Variants in DLG2 observed in about 807,000 individuals in gnomAD.
DLG2 encodes disks large homolog 2.
Under a neutral mutation model 132.5 loss-of-function variants are expected in DLG2, and 45 were observed. The ratio of observed to expected loss-of-function variants is 0.34; its 90% CI spans 0.27 to 0.44. DLG2 has a LOEUF of 0.44. Among genes scored for constraint, DLG2 ranks in the 20% least tolerant of loss-of-function variants. The probability of loss-of-function intolerance (pLI) is 1.00; values close to 1 mark genes in which losing one functional copy is unlikely to be tolerated. For missense variants in DLG2, 1,045 were observed against 1,196.9 expected (o/e 0.87, Z 1.87); for synonymous variants, 424 against 419.6 (o/e 1.01, Z -0.13).
rs116592063 is a variant in DLG2 at position 84,753,579 on chromosome 11, A to C, written c.358-218848T>G. Reference sequence around the variant, plus strand: ...ATGAAGAATTTTATTTTTATGTGATAAGTCTAAAGTGACTATGGGATATCA... The same window carrying C: ...ATGAAGAATTTTATTTTTATGTGATCAGTCTAAAGTGACTATGGGATATCA... On this transcript the variant is annotated intron_variant, in intron 6 of 27. Coordinates refer to ENST00000376104, the MANE Select transcript of DLG2 (RefSeq NM_001142699.3). Among the ~76,000 whole-genome samples the C allele has an allele frequency of 7.1e-3, 1,085 of 152,318 alleles. 16 individuals are homozygous for C. The highest frequency in any genetic ancestry group is 0.024 in the African/African-American group (987 of 41,564).
intron 16 of DLG2, among the ~76,000 whole-genome samples, chr11:83,835,320 C>T (rs569328472): frequency 3.3e-5 from 5 of 151,864 alleles, no homozygotes; most frequent in South Asian, 4.2e-4. Flanking sequence ...TTATATAGCA[C>T]GTTAGAAGGC....
chr11:83,547,256 T>C (rs1346304329), intron 19 of DLG2, among the ~76,000 whole-genome samples: 1 of 152,112 alleles, frequency 6.6e-6, no homozygotes, highest in African/African-American at 2.4e-5. Flanking sequence ...AAGGATATGA[T>C]AGGAGAAATA....
At chr11:85,523,214 T>C (rs1199066543) in intron 3 of DLG2, among the ~76,000 whole-genome samples, 1 of 152,210 alleles carries the variant, frequency 6.6e-6, no homozygotes, top group East Asian at 1.9e-4. Flanking sequence ...CTTCACTCTG[T>C]ACTTCTCTCA....
intron 20 of DLG2, among the ~76,000 whole-genome samples, chr11:83,534,530 G>A (rs986028603): frequency 1.2e-4 from 19 of 152,220 alleles, no homozygotes; most frequent in Non-Finnish European, 2.2e-4. Context: ...TGAAGATCAG[G>A]GTTTCTATAG....
At chr11:85,275,440 C>T (rs1011961755) in intron 4 of DLG2, among the ~76,000 whole-genome samples, 3 of 152,102 alleles carry the variant, frequency 2.0e-5, no homozygotes, top group East Asian at 3.8e-4. Flanking sequence ...TGCATACTTA[C>T]AAATCTGTCA....
At chr11:85,179,335 A>G (rs2079536945) in intron 4 of DLG2, among the ~76,000 whole-genome samples, 1 of 151,866 alleles carries the variant, frequency 6.6e-6, no homozygotes, top group South Asian at 2.1e-4. Flanking sequence ...CAGCAAAAAG[A>G]AAAATAAACT....
chr11:83,974,467 GT>G (rs5793096), intron 12 of DLG2, among the ~76,000 whole-genome samples: 149,440 of 152,016 alleles, frequency 0.98, 73,460 homozygotes, highest in East Asian at 1. Context: ...TAGGTGTTTT[GT>G]TAAGTATTAC....
At chr11:85,487,899 C>T (rs1419465665) in intron 3 of DLG2, among the ~76,000 whole-genome samples, 1 of 152,168 alleles carries the variant, frequency 6.6e-6, no homozygotes, top group Non-Finnish European at 1.5e-5. Context: ...TGTGTCCCCA[C>T]CCAAATCTCA....
At chr11:85,500,954 T>C (rs2093787035) in intron 3 of DLG2, among the ~76,000 whole-genome samples, 1 of 152,150 alleles carries the variant, frequency 6.6e-6, no homozygotes, top group African/African-American at 2.4e-5. Context: ...AGAGCTCCCA[T>C]AGCCAAGACA....
chr11:85,388,007 G>A (rs1414008482), intron 3 of DLG2, among the ~76,000 whole-genome samples: 1 of 152,184 alleles, frequency 6.6e-6, no homozygotes, highest in Non-Finnish European at 1.5e-5. Flanking sequence ...GGAACTGTGA[G>A]TCTGCTTGCT....
intron 16 of DLG2, among the ~76,000 whole-genome samples, chr11:83,838,973 G>A (rs2154013018): frequency 6.6e-6 from 1 of 152,288 alleles, no homozygotes; most frequent in East Asian, 1.9e-4. Flanking sequence ...TGTTTAATAT[G>A]CAATGTGACT....
At chr11:85,624,795 T>C (rs1463650226) in intron 2 of DLG2, among the ~76,000 whole-genome samples, 4 of 152,220 alleles carry the variant, frequency 2.6e-5, no homozygotes, top group Non-Finnish European at 5.9e-5. Flanking sequence ...AACTGGTTTT[T>C]CTAATAAGAA....
At chr11:84,810,531 T>C (rs2076441599) in intron 6 of DLG2, among the ~76,000 whole-genome samples, 1 of 152,110 alleles carries the variant, frequency 6.6e-6, no homozygotes, top group South Asian at 2.1e-4. Flanking sequence ...ACATTCCTGG[T>C]GGGAATATAA....
chr11:85,017,690 A>G (rs1566657296), intron 6 of DLG2, among the ~76,000 whole-genome samples: 1 of 152,224 alleles, frequency 6.6e-6, no homozygotes, highest in Non-Finnish European at 1.5e-5. Context: ...AGTCACCACA[A>G]TATTGTGGTA....
At chr11:84,763,163 A>T (rs569323672) in intron 6 of DLG2, 12 of 152,244 alleles carry the variant, frequency 7.9e-5, no homozygotes, top group Admixed American at 5.9e-4. Context: ...GCAAGTGCCA[A>T]CTCTAACATA....
chr11:83,799,132 A>G (rs1334281983), intron 17 of DLG2, among the ~76,000 whole-genome samples: 1 of 152,260 alleles, frequency 6.6e-6, no homozygotes, highest in East Asian at 1.9e-4. Flanking sequence ...GTATTAAATG[A>G]TCTTACCACA....
chr11:84,307,952 G>A (rs927784109), intron 7 of DLG2, among the ~76,000 whole-genome samples: 9 of 152,190 alleles, frequency 5.9e-5, no homozygotes, highest in Non-Finnish European at 1.3e-4. Context: ...CTTCAGGAGT[G>A]AAGTTGCAGA....
intron 18 of DLG2, among the ~76,000 whole-genome samples, chr11:83,735,999 C>T (rs2091845897): frequency 6.6e-6 from 1 of 152,140 alleles, no homozygotes. Flanking sequence ...TAAATGTGTG[C>T]TTAGTTGCTT....
chr11:84,784,430 C>G lies in DLG2; in HGVS notation c.358-249699G>C, dbSNP rs144981028. Among the ~76,000 whole-genome samples, 722 of 151,202 alleles carry G rather than the reference C, an allele frequency of 4.8e-3. 9 individuals carry two copies. The highest frequency in any genetic ancestry group is 0.017 in the African/African-American group (684 of 41,316). ...TCCGTGGAGTCAGAAATATCTGGGTCCTCTCTCATTCTTTGTATTAAGGAA... is the reference window on the plus strand; with the variant it reads ...TCCGTGGAGTCAGAAATATCTGGGTGCTCTCTCATTCTTTGTATTAAGGAA... On this transcript the variant is annotated intron_variant, in intron 6 of 27. Transcript: ENST00000376104.
Sources: gnomAD v4.1 joint callset for allele counts (sites outside exome capture counted in the v4.1 genomes callset) on GRCh38, gnomAD v4.1.1 for gene constraint, MANE v1.5 for transcripts, NCBI Gene and HGNC (gene_info 2026-07-23, HGNC 2026-07-21) for gene names.